Variants in DGKD observed in about 807,000 individuals in gnomAD.
DGKD encodes diacylglycerol kinase delta.
Under a neutral mutation model 154.4 loss-of-function variants are expected in DGKD, and 68 were observed. That is an observed-to-expected ratio of 0.44 (90% CI 0.36 to 0.54). DGKD has a LOEUF of 0.54. DGKD is among the 20% of genes least tolerant of loss of function. DGKD has a pLI of 0.00. For missense variants in DGKD, 1,343 were observed against 1,593.6 expected, an observed-to-expected ratio of 0.84 and a Z score of 2.68; for synonymous variants, 693 against 638.0, an observed-to-expected ratio of 1.09 and a Z score of -1.30.
chr2:233,446,930 G>T (rs1358034872), intron 12 of DGKD, 134 bp downstream of exon 12: 1 of 1,013,100 alleles, frequency 9.9e-7, no homozygotes, highest in Non-Finnish European at 1.4e-6. Context: ...GGCCTGCGGA[G>T]GCGCAGGGTG....
At chr2:233,401,289 T>A (rs2061552466) in intron 3 of DGKD, among the ~76,000 whole-genome samples, 1 of 152,204 alleles carries the variant, frequency 6.6e-6, no homozygotes, top group Non-Finnish European at 1.5e-5. Context: ...AACACTGTGA[T>A]TATAGGCACT....
chr2:233,451,905 C>T, intron 17 of DGKD, 59 bp from the exon 18 acceptor site: 1 of 1,431,676 alleles, frequency 7.0e-7, no homozygotes. Context: ...GAGACACGAG[C>T]TTCTCCTAAG....
rs1177914553 is a variant in DGKD, at chr2:233,452,888, G to A, written c.2264+828G>A. 6.6e-6 allele frequency among the ~76,000 whole-genome samples: 1 copy of A among 152,146 alleles called. No individual in the cohort carries two copies. Among genetic ancestry groups the A allele is most frequent in the Non-Finnish European group, 1.5e-5 (1 of 68,030 alleles). The stretch of plus-strand genomic sequence containing the variant: ...GGACAGTGACAGGAAGAAATGTGCG[G>A]TTCACAGAGGCTCTGGGTTTGGGAA... On this transcript the variant is annotated intron_variant, in intron 18 of 29. Coordinates refer to ENST00000264057, the MANE Select transcript of DGKD (RefSeq NM_152879.3). The surrounding 1 kb of genome is among the most constrained non-coding windows in gnomAD (Gnocchi z 4.0).
chr2:233,398,744 C>A (rs1022389922), intron 3 of DGKD, among the ~76,000 whole-genome samples: 2 of 152,204 alleles, frequency 1.3e-5, no homozygotes, highest in Non-Finnish European at 2.9e-5. Flanking sequence ...TGTGCCTCAG[C>A]CTTCCGAGTA....
chr2:233,370,576 T>TG lies in DGKD; in HGVS notation c.156+15902_156+15903insG, dbSNP rs61117353. 3.0e-3 allele frequency among the ~76,000 whole-genome samples: 449 copies of TG among 150,200 alleles called. 2 individuals carry two copies. The highest frequency in any genetic ancestry group is 0.01 in the African/African-American group (412 of 40,694). ...GTACGTTTCAGAACTTCTTCTTTTTTTTTTTTTTTTTTTGTTTGAGTGAAT... is the reference window on the plus strand; with the variant it reads ...GTACGTTTCAGAACTTCTTCTTTTTTGTTTTTTTTTTTTTGTTTGAGTGAAT... On this transcript the variant is annotated intron_variant, in intron 1 of 29. Coordinates refer to ENST00000264057, the MANE Select transcript of DGKD (RefSeq NM_152879.3).
chr2:233,432,724 A>G (rs979736391), intron 3 of DGKD, among the ~76,000 whole-genome samples: 3 of 152,198 alleles, frequency 2.0e-5, no homozygotes, highest in African/African-American at 7.2e-5. Flanking sequence ...TATAACCAGA[A>G]TAAATCGAGA....
intron 3 of DGKD, among the ~76,000 whole-genome samples, chr2:233,391,364 T>C (rs1319173823): frequency 6.6e-6 from 1 of 152,140 alleles, no homozygotes; most frequent in East Asian, 1.9e-4. Flanking sequence ...TACCTACATG[T>C]ACCCATGAGA....
At chr2:233,463,791 A>C in intron 26 of DGKD, 1 of 277,370 alleles carries the variant, frequency 3.6e-6, no homozygotes, top group Admixed American at 4.6e-5. Context: ...GCGTGTCCTC[A>C]CTGCACACCT....
At chr2:233,397,364 T>C (rs1191307982) in intron 3 of DGKD, among the ~76,000 whole-genome samples, 1 of 72,640 alleles carries the variant, frequency 1.4e-5, no homozygotes, top group East Asian at 4.3e-4. Context: ...GGCAGCAGAG[T>C]GAGAGGACTC....
chr2:233,394,841 G>A (rs1703904107), intron 3 of DGKD, among the ~76,000 whole-genome samples: 1 of 151,236 alleles, frequency 6.6e-6, no homozygotes, highest in African/African-American at 2.4e-5. Context: ...CCCAGTAGCT[G>A]GAACCACAGG....
At chr2:233,395,986 C>T (rs1034426587) in intron 3 of DGKD, among the ~76,000 whole-genome samples, 10 of 152,064 alleles carry the variant, frequency 6.6e-5, no homozygotes. Context: ...CGATTCATAC[C>T]AAACCATGAA....
chr2:233,411,793 A>G (rs2061837762), intron 3 of DGKD, among the ~76,000 whole-genome samples: 1 of 152,184 alleles, frequency 6.6e-6, no homozygotes, highest in Non-Finnish European at 1.5e-5. Context: ...TAGGTTTTAC[A>G]GTTGGGATTA....
At chr2:233,357,537 CTTTTT>C (rs374813757) in intron 1 of DGKD, among the ~76,000 whole-genome samples, 3 of 129,220 alleles carry the variant, frequency 2.3e-5, no homozygotes, top group South Asian at 2.4e-4. Context: ...TTCTTTCTTT[CTTTTT>C]TTTTTTTTTT....
chr2:233,457,450 G>A lies in DGKD; in HGVS notation c.2580+122G>A. On this transcript the variant is annotated intron_variant, in intron 21 of 29. Coordinates refer to ENST00000264057, the MANE Select transcript of DGKD (RefSeq NM_152879.3). The surrounding 1 kb of genome is among the most constrained non-coding windows in gnomAD (Gnocchi z 5.5). ...CTTCTGTTGTGCCAGCAGTGGGGTT[G>A]CCGTGGAGAACAAGATAGACAGGGT... The A allele has an allele frequency of 1.3e-6, 1 of 781,038 alleles. No homozygotes were observed. Among genetic ancestry groups the A allele is most frequent in the Non-Finnish European group, 2.2e-6 (1 of 448,826 alleles). 48.4% of individuals were successfully genotyped at this position (781,038 alleles called of 1,614,324 possible).
chr2:233,392,838 G>A (rs1703717962), intron 3 of DGKD, among the ~76,000 whole-genome samples: 1 of 152,132 alleles, frequency 6.6e-6, no homozygotes, highest in South Asian at 2.1e-4. Flanking sequence ...TTCAAAGTTA[G>A]TAGCGTGTAC....
chr2:233,440,934 G>A lies in DGKD; in HGVS notation c.1086-953G>A, dbSNP rs140842058. Among the ~76,000 whole-genome samples the A allele has an allele frequency of 6.8e-4, 104 of 152,268 alleles. No homozygotes were observed. The highest frequency in any genetic ancestry group is 2.5e-3 in the African/African-American group (102 of 41,546). ...AGAGGCTGCCAGGAGGGGCTGGGTCGGCTGCAGGCTGAGAGGAGGTGGGTC... is the reference window on the plus strand; with the variant it reads ...AGAGGCTGCCAGGAGGGGCTGGGTCAGCTGCAGGCTGAGAGGAGGTGGGTC... On this transcript the variant is annotated intron_variant, in intron 9 of 29. Coordinates refer to ENST00000264057, the MANE Select transcript of DGKD (RefSeq NM_152879.3). The surrounding 1 kb of genome is among the most constrained non-coding windows in gnomAD (Gnocchi z 4.9).
At chr2:233,436,638 T>A (rs140294809) in intron 7 of DGKD, among the ~76,000 whole-genome samples, 197 bp downstream of exon 7, 14 of 152,390 alleles carry the variant, frequency 9.2e-5, no homozygotes, top group African/African-American at 3.1e-4. Flanking sequence ...CCTTTTGCAT[T>A]TATTCCTGTC....
chr2:233,437,512 A>T (rs1437612338), intron 8 of DGKD, 33 bp downstream of exon 8: 1 of 1,584,310 alleles, frequency 6.3e-7, no homozygotes. Flanking sequence ...CTTCTCATGC[A>T]CGCCCACACG....
At position 233,458,612 on chromosome 2, in the gene DGKD, A is replaced by ATTTT. The variant is rs1181817947; in HGVS notation, c.2694+229_2694+232dup. ...TAAATTCTCAAGATAACTCTTTTTA[A>ATTTT]TTTTTTTTTTTTTTTTTGAGACAGA... is the stretch of plus-strand genomic sequence containing the variant. On this transcript the variant is annotated intron_variant, in intron 22 of 29. Coordinates refer to ENST00000264057, the MANE Select transcript of DGKD (RefSeq NM_152879.3). This position sits in a 1 kb window ranked among gnomAD's most constrained non-coding sequence, Gnocchi z 6.6. Among the ~76,000 whole-genome samples, 1 of 140,092 alleles carries ATTTT rather than the reference A, an allele frequency of 7.1e-6. No homozygotes were observed. The allele number at this position is 140,092 out of a possible 152,430, so 91.9% of individuals were successfully genotyped here.
Sources: gnomAD v4.1 joint callset for allele counts (sites outside exome capture counted in the v4.1 genomes callset) on GRCh38, gnomAD v4.1.1 for gene constraint, Gnocchi (gnomAD v3.1) non-coding constraint, MANE v1.5 for transcripts, NCBI Gene and HGNC (gene_info 2026-07-23, HGNC 2026-07-21) for gene names.